The following CAMKMT variants were observed in gnomAD, a reference collection of about 807,000 sequenced individuals.
The protein encoded by CAMKMT is CaM KMT.
In CAMKMT, 53 loss-of-function variants were observed where a neutral mutation model predicts 48.0. That is an observed-to-expected ratio of 1.10 (90% CI 0.89 to 1.39). CAMKMT has a LOEUF of 1.39. Among genes scored for constraint, CAMKMT ranks in the 40% most tolerant of loss-of-function variants. The pLI is 0.00. For synonymous variants in CAMKMT, 165 were observed against 152.3 expected (o/e 1.08, Z -0.61); for missense variants, 428 against 402.7 (o/e 1.06, Z -0.54).
At chr2:44,599,504 C>T (rs916015573) in intron 3 of CAMKMT, among the ~76,000 whole-genome samples, 1 of 151,960 alleles carries the variant, frequency 6.6e-6, no homozygotes, top group African/African-American at 2.4e-5. Context: ...TTAATACATG[C>T]CCTGTTATTA....
chr2:44,607,105 C>T (rs1671330778), intron 3 of CAMKMT, among the ~76,000 whole-genome samples: 1 of 152,328 alleles, frequency 6.6e-6, no homozygotes, highest in Non-Finnish European at 1.5e-5. Context: ...CATTTTGCTA[C>T]AATAGGAAAT....
At chr2:44,655,709 A>G (rs1396827849) in intron 3 of CAMKMT, among the ~76,000 whole-genome samples, 2 of 152,222 alleles carry the variant, frequency 1.3e-5, no homozygotes, top group African/African-American at 4.8e-5. Flanking sequence ...AGGATGTAAG[A>G]GCAGAGCTAT....
At chr2:44,726,298 C>T (rs2104332202) in intron 7 of CAMKMT, among the ~76,000 whole-genome samples, 1 of 152,238 alleles carries the variant, frequency 6.6e-6, no homozygotes, top group South Asian at 2.1e-4. Context: ...TCTATTGTAT[C>T]TTGACCTTTT....
chr2:44,544,425 A>T (rs1311605319), intron 3 of CAMKMT, among the ~76,000 whole-genome samples: 1 of 152,214 alleles, frequency 6.6e-6, no homozygotes, highest in Admixed American at 6.5e-5. Context: ...GTGTTAATTA[A>T]GCCAGGCCAT....
intron 3 of CAMKMT, among the ~76,000 whole-genome samples, chr2:44,525,690 A>C (rs1479049373): frequency 6.6e-6 from 1 of 152,168 alleles, no homozygotes; most frequent in Non-Finnish European, 1.5e-5. Context: ...TTAGGTGGGA[A>C]TTAGTGTACT....
At chr2:44,573,713 A>G (rs1245537025) in intron 3 of CAMKMT, among the ~76,000 whole-genome samples, 1 of 152,138 alleles carries the variant, frequency 6.6e-6, no homozygotes, top group African/African-American at 2.4e-5. Context: ...ATTTGGTTCT[A>G]TAATCTCATC....
At chr2:44,414,944 A>C (rs1683451621) in intron 3 of CAMKMT, among the ~76,000 whole-genome samples, 1 of 152,204 alleles carries the variant, frequency 6.6e-6, no homozygotes, top group Non-Finnish European at 1.5e-5. Flanking sequence ...TCACGAGGTC[A>C]AGAGATGGAG....
In CAMKMT at chr2:44,539,530, C is replaced by T. The variant is rs115353074; in HGVS notation, c.376+149225C>T. Among the ~76,000 whole-genome samples the T allele has an allele frequency of 7.4e-3, 1,131 of 152,126 alleles. 16 individuals carry two copies. The highest frequency in any genetic ancestry group is 0.026 in the African/African-American group (1,069 of 41,504). The stretch of plus-strand genomic sequence containing the variant: ...CAAAACTGTGATCTAATCCTTAAAC[C>T]ATATTCAGATTTCATCAATTGCCTC... On this transcript the variant is annotated intron_variant, in intron 3 of 10. Coordinates refer to ENST00000378494, the MANE Select transcript of CAMKMT (RefSeq NM_024766.5).
intron 3 of CAMKMT, among the ~76,000 whole-genome samples, chr2:44,493,571 G>T (rs922155918): frequency 2.0e-5 from 3 of 152,110 alleles, no homozygotes; most frequent in African/African-American, 7.2e-5. Flanking sequence ...TCTTCTTCAT[G>T]AGATGTGTTT....
intron 3 of CAMKMT, among the ~76,000 whole-genome samples, chr2:44,520,084 T>C (rs1236933859): frequency 6.7e-6 from 1 of 148,808 alleles, no homozygotes; most frequent in Non-Finnish European, 1.5e-5. Context: ...CCAGGCGTGG[T>C]GGTGGGCACC....
intron 3 of CAMKMT, among the ~76,000 whole-genome samples, chr2:44,602,552 A>C (rs1671058472): frequency 6.6e-6 from 1 of 152,088 alleles, no homozygotes; most frequent in Non-Finnish European, 1.5e-5. Flanking sequence ...GAGACTGGGT[A>C]ATTTATGAAG....
At chr2:44,593,282 A>T (rs748387167) in intron 3 of CAMKMT, among the ~76,000 whole-genome samples, 1 of 151,968 alleles carries the variant, frequency 6.6e-6, no homozygotes, top group African/African-American at 2.4e-5. Flanking sequence ...ACTGGATACT[A>T]TTTCCTTTAA....
At chr2:44,746,134 A>G (rs1679907255) in intron 8 of CAMKMT, among the ~76,000 whole-genome samples, 1 of 152,210 alleles carries the variant, frequency 6.6e-6, no homozygotes, top group South Asian at 2.1e-4. Context: ...ATTGTCAGCA[A>G]TGAGATCTGG....
intron 3 of CAMKMT, among the ~76,000 whole-genome samples, chr2:44,686,524 G>C (rs7597150): frequency 0.047 from 7,128 of 152,174 alleles, 558 homozygotes; most frequent in African/African-American, 0.16. Context: ...GAAACTGAGC[G>C]AATGCTAGGA....
intron 3 of CAMKMT, among the ~76,000 whole-genome samples, chr2:44,585,754 G>C (rs908988144): frequency 1.3e-5 from 2 of 152,180 alleles, no homozygotes; most frequent in African/African-American, 2.4e-5. Flanking sequence ...AAAGATAGAT[G>C]GAAGATGGGA....
intron 1 of CAMKMT, among the ~76,000 whole-genome samples, chr2:44,366,748 G>C (rs1678634981): frequency 8.7e-6 from 1 of 115,434 alleles, no homozygotes; most frequent in Non-Finnish European, 2.1e-5. Flanking sequence ...TTGAGACAAA[G>C]TCTCACTCCA....
intron 3 of CAMKMT, among the ~76,000 whole-genome samples, chr2:44,499,218 C>A (rs1345143038): frequency 2.0e-5 from 3 of 152,116 alleles, no homozygotes; most frequent in Non-Finnish European, 4.4e-5. Context: ...ATGATGCTAA[C>A]AAGGACTGTC....
chr2:44,490,137 A>G (rs1346142261), intron 3 of CAMKMT, among the ~76,000 whole-genome samples: 6 of 152,168 alleles, frequency 3.9e-5, no homozygotes, highest in African/African-American at 9.7e-5. Context: ...CCACACAGAT[A>G]TGTTAGAAAT....
intron 3 of CAMKMT, among the ~76,000 whole-genome samples, chr2:44,637,746 A>T (rs1030235195): frequency 6.6e-6 from 1 of 152,098 alleles, no homozygotes; most frequent in African/African-American, 2.4e-5. Flanking sequence ...TAAGTTTCCC[A>T]TGTGTTTGCA....
Sources: allele counts gnomAD v4.1 joint callset (sites outside exome capture counted in the v4.1 genomes callset), GRCh38; gene constraint gnomAD v4.1.1; transcripts MANE v1.5; gene names NCBI Gene and HGNC (gene_info 2026-07-23, HGNC 2026-07-21).